SLC22A25: variants seen among roughly 807,000 people sequenced by gnomAD.
SLC22A25 encodes the protein MGI:2442751, MGI:2385316, MGI:3042283, MGI:3645714, MGI:3605624, MGI:2442750.
In SLC22A25, 44 loss-of-function variants were observed where a neutral mutation model predicts 45.9. The observed-to-expected ratio is 0.96, with a 90% CI of 0.75 to 1.23. The LOEUF is 1.23. Ranked by LOEUF, SLC22A25 falls within the 50% of genes most tolerant of loss-of-function variation. The pLI is 0.00. For synonymous variants in SLC22A25, 283 were observed against 238.6 expected, an observed-to-expected ratio of 1.19 and a Z score of -1.72; for missense variants, 800 against 666.4, an observed-to-expected ratio of 1.20 and a Z score of -2.21.
At chr11:63,186,391 G>T (rs1240838829) in intron 7 of SLC22A25, among the ~76,000 whole-genome samples, 3 of 151,100 alleles carry the variant, frequency 2.0e-5, no homozygotes, top group South Asian at 2.1e-4. Flanking sequence ...TGTTGGGATT[G>T]TTTGTTTTTT....
intron 9 of SLC22A25, among the ~76,000 whole-genome samples, chr11:63,177,964 T>A (rs1375930568): frequency 6.7e-6 from 1 of 150,312 alleles, no homozygotes; most frequent in Non-Finnish European, 1.5e-5. Context: ...ACACTCCACC[T>A]CCTTGGGCTC....
chr11:63,173,223 G>A (rs532895848), intron 9 of SLC22A25, among the ~76,000 whole-genome samples: 2 of 151,232 alleles, frequency 1.3e-5, no homozygotes, highest in African/African-American at 2.4e-5. Context: ...TGTTGGGGGT[G>A]GGGGGCAAGG....
At chr11:63,215,055 C>T (rs1229605565) in intron 7 of SLC22A25, among the ~76,000 whole-genome samples, 1 of 152,174 alleles carries the variant, frequency 6.6e-6, no homozygotes, top group South Asian at 2.1e-4. Flanking sequence ...CCAGAAATAA[C>T]ATTTGACCCA....
chr11:63,187,939 T>C (rs1176635613), intron 7 of SLC22A25, among the ~76,000 whole-genome samples: 3 of 152,166 alleles, frequency 2.0e-5, no homozygotes, highest in Non-Finnish European at 2.9e-5. Flanking sequence ...TTGCTGGATT[T>C]GGTTTGCCAG....
intron 9 of SLC22A25, among the ~76,000 whole-genome samples, chr11:63,169,787 G>C (rs1455288933): frequency 6.6e-6 from 1 of 152,124 alleles, no homozygotes; most frequent in Non-Finnish European, 1.5e-5. Flanking sequence ...TTCAGGACTT[G>C]AACTCAACTC....
chr11:63,240,780 C>T (rs1165870315), intron 1 of SLC22A25, among the ~76,000 whole-genome samples: 1 of 152,182 alleles, frequency 6.6e-6, no homozygotes, highest in African/African-American at 2.4e-5. Context: ...ACTAGAAGGT[C>T]TTCTGGAGCA....
Position 63,200,144 on chromosome 11 carries a change from A to C in SLC22A25, c.831-16327T>G, listed in dbSNP as rs2089193817. Among the ~76,000 whole-genome samples, 3 of 151,984 alleles carry C rather than the reference A, an allele frequency of 2.0e-5. No homozygotes were observed. The South Asian group carries it at 6.3e-4, about 32-fold the overall frequency. On this transcript the variant is annotated intron_variant, in intron 7 of 11. Coordinates refer to ENST00000306494, the MANE Select transcript of SLC22A25 (RefSeq NM_199352.6). ...AATTGAGGAGTAGAAACTCCTCCCT[A>C]ACTCATTCTATGAGGGCAGCATCAT...
chr11:63,164,423 TG>T, intron 11 of SLC22A25, 102 bp downstream of exon 11: 1 of 1,014,482 alleles, frequency 9.9e-7, no homozygotes, highest in Non-Finnish European at 1.5e-6. Flanking sequence ...TACATTTGAT[TG>T]TTTTTTAACT....
chr11:63,164,174 T>C (rs1366636269), intron 11 of SLC22A25, 101 bp from the exon 12 acceptor site: 36 of 1,421,724 alleles, frequency 2.5e-5, no homozygotes, highest in Middle Eastern at 1.9e-4. Flanking sequence ...CTTAAACACA[T>C]GGAGGTGATA....
At chr11:63,169,687 A>G (rs2087810074) in intron 9 of SLC22A25, among the ~76,000 whole-genome samples, 1 of 152,198 alleles carries the variant, frequency 6.6e-6, no homozygotes, top group Admixed American at 6.5e-5. Context: ...AGACCTACAA[A>G]GAGGCTTAGA....
Position 63,171,068 on chromosome 11 carries a change from G to A in SLC22A25, c.1071-4810C>T, listed in dbSNP as rs115263233. Among the ~76,000 whole-genome samples the A allele has an allele frequency of 3.1e-3, 470 of 152,232 alleles. 2 individuals are homozygous for A. Among genetic ancestry groups the A allele is most frequent in the African/African-American group, 0.011 (447 of 41,542 alleles). On this transcript the variant is annotated intron_variant, in intron 9 of 11. Coordinates refer to ENST00000306494, the MANE Select transcript of SLC22A25 (RefSeq NM_199352.6). ...ACAGAATCAATGACAATAGCCACAC[G>A]ATTATCTCAATAGATGCAGAAAAGA...
intron 9 of SLC22A25, among the ~76,000 whole-genome samples, chr11:63,168,218 G>T (rs181033463): frequency 3.3e-5 from 5 of 152,296 alleles, no homozygotes; most frequent in Admixed American, 2.6e-4. Flanking sequence ...GGAAAAACCA[G>T]TGCAAAAATG....
At chr11:63,208,267 C>A (rs1022853589) in intron 7 of SLC22A25, 3 of 152,360 alleles carry the variant, frequency 2.0e-5, no homozygotes, top group Admixed American at 1.3e-4. Flanking sequence ...AGTATGATAC[C>A]AGCACTTCAG....
intron 7 of SLC22A25, among the ~76,000 whole-genome samples, chr11:63,188,474 T>C (rs934290895): frequency 6.6e-6 from 1 of 152,230 alleles, no homozygotes; most frequent in Non-Finnish European, 1.5e-5. Context: ...CTATCTATTT[T>C]GTTGCTCTTT....
At chr11:63,210,603 G>A (rs183716752) in intron 7 of SLC22A25, among the ~76,000 whole-genome samples, 118 of 152,266 alleles carry the variant, frequency 7.7e-4, no homozygotes, top group African/African-American at 2.7e-3. Context: ...GGCTTAGGGG[G>A]CTGAGAATTT....
At chr11:63,175,324 A>G (rs1183842111) in intron 9 of SLC22A25, among the ~76,000 whole-genome samples, 1 of 152,076 alleles carries the variant, frequency 6.6e-6, no homozygotes, top group East Asian at 1.9e-4. Context: ...GATTTGAAGT[A>G]ATATCTGATT....
chr11:63,196,948 C>G (rs1376610879), intron 7 of SLC22A25, among the ~76,000 whole-genome samples: 1 of 151,638 alleles, frequency 6.6e-6, no homozygotes, highest in Non-Finnish European at 1.5e-5. Flanking sequence ...ACAAGCATTC[C>G]TATACAGCAA....
Position 63,163,649 on chromosome 11 carries a change from G to T in SLC22A25, c.*175C>A, listed in dbSNP as rs1306897685. ...CACCACAAATTAACCTCCTGGACAG[G>T]CTGGGCAGAGATGGTCTGTGTGATC... On this transcript the variant is annotated 3_prime_UTR_variant, in exon 12 of 12. Transcript: ENST00000306494. 6 of 934,864 alleles carry T rather than the reference G, an allele frequency of 6.4e-6. No homozygotes were observed. The highest frequency in any genetic ancestry group is 3.6e-4 in the Middle Eastern group (1 of 2,778). 57.9% of individuals were successfully genotyped at this position (934,864 alleles called of 1,614,324 possible).
intron 3 of SLC22A25, among the ~76,000 whole-genome samples, chr11:63,233,891 G>A (rs1444073541): frequency 6.6e-6 from 1 of 152,190 alleles, no homozygotes; most frequent in East Asian, 1.9e-4. Context: ...ATTTCGTTAT[G>A]TACCCAGTAG....
Sources: allele counts gnomAD v4.1 joint callset (sites outside exome capture counted in the v4.1 genomes callset), GRCh38; gene constraint gnomAD v4.1.1; transcripts MANE v1.5; gene names NCBI Gene and HGNC (gene_info 2026-07-23, HGNC 2026-07-21).